Variants in FBXO16 observed in about 807,000 individuals in gnomAD.
The protein encoded by FBXO16 is F-box protein 16, also known as F-box only protein 16.
Under a neutral mutation model 41.0 loss-of-function variants are expected in FBXO16, and 31 were observed. The observed-to-expected ratio is 0.76, with a 90% confidence interval of 0.57 to 1.02. FBXO16 has a LOEUF of 1.02. Ranked by LOEUF, FBXO16 falls within the 50% of genes least tolerant of loss-of-function variation. FBXO16 has a pLI of 0.00. For synonymous variants in FBXO16, 133 were observed against 117.8 expected (o/e 1.13, Z -0.84); for missense variants, 361 against 346.2 (o/e 1.04, Z -0.34).
intron 4 of FBXO16, among the ~76,000 whole-genome samples, chr8:28,461,063 A>AG (rs1803126170): frequency 6.7e-6 from 1 of 148,696 alleles, no homozygotes; most frequent in Non-Finnish European, 1.5e-5. Flanking sequence ...ATAAGATGGT[A>AG]GGACAGTTCT....
chr8:28,435,171 A>ATTT (rs71222552), intron 7 of FBXO16, among the ~76,000 whole-genome samples: 50 of 140,972 alleles, frequency 3.5e-4, no homozygotes, highest in South Asian at 1.2e-3. Flanking sequence ...ATGAGGGCAG[A>ATTT]TTTTTTTTTT....
intron 1 of FBXO16, among the ~76,000 whole-genome samples, chr8:28,486,079 C>G (rs1355399463): frequency 6.8e-6 from 1 of 146,212 alleles, no homozygotes; most frequent in Admixed American, 6.9e-5. Context: ...GCACTCCAGC[C>G]TGGGTGACAG....
rs183975312 is a variant in FBXO16 at position 28,467,715 on chromosome 8, T to A, written c.136-3897A>T. Among the ~76,000 whole-genome samples, 285 of 152,344 alleles carry A rather than the reference T, an allele frequency of 1.9e-3. 1 individual carries two copies. The highest frequency in any genetic ancestry group is 2.3e-3 in the Non-Finnish European group (157 of 68,040). ...AAGAGAATGGACTCAGGTTGCAGAA[T>A]GAGTGATTTAACACGAATATAAAAG... On this transcript the variant is annotated intron_variant, in intron 3 of 8. Coordinates refer to ENST00000380254, the MANE Select transcript of FBXO16 (RefSeq NM_172366.4).
At chr8:28,466,379 A>G (rs1272259726) in intron 3 of FBXO16, among the ~76,000 whole-genome samples, 1 of 152,162 alleles carries the variant, frequency 6.6e-6, no homozygotes. Flanking sequence ...AGGACCCTAA[A>G]ATGAAAAAAC....
rs1048215827 is a variant in FBXO16, at chr8:28,434,123, A to G, written c.844-4720T>C. Among the ~76,000 whole-genome samples, 8 of 151,984 alleles carry G rather than the reference A, an allele frequency of 5.3e-5. No homozygotes were observed. In the East Asian group the frequency reaches 1.5e-3, roughly 29 times the overall value. ...TTCCAGGCACCTGCCACCACACCCA[A>G]CTAATTTTTGTATTTTTGGTAGAGA... is the stretch of plus-strand genomic sequence containing the variant. On this transcript the variant is annotated intron_variant, in intron 7 of 8. Transcript: ENST00000380254.
At chr8:28,437,856 G>A (rs575593228) in intron 7 of FBXO16, among the ~76,000 whole-genome samples, 107 of 152,290 alleles carry the variant, frequency 7.0e-4, no homozygotes, top group African/African-American at 2.4e-3. Flanking sequence ...ATGGGCAACA[G>A]AGCGAGACTC....
intron 3 of FBXO16, among the ~76,000 whole-genome samples, chr8:28,472,887 TATCAGG>T (rs1280867175): frequency 6.6e-6 from 1 of 152,238 alleles, no homozygotes; most frequent in Non-Finnish European, 1.5e-5. Context: ...TTGCTGTTCC[TATCAGG>T]ATCACTTAAC....
intron 4 of FBXO16, among the ~76,000 whole-genome samples, chr8:28,461,602 TAAAG>T (rs1803135782): frequency 6.6e-6 from 1 of 151,674 alleles, no homozygotes; most frequent in Non-Finnish European, 1.5e-5. Context: ...TGAAAAAAAA[TAAAG>T]AAATTAGCCC....
Position 28,454,466 on chromosome 8 carries a change from A to C in FBXO16, c.508-1990T>G, listed in dbSNP as rs921202626. ...AATTCTGGCCGGGCGCGGTGGCTGA[A>C]GCCTGTAATCCCAGCACTTTGGGAG... On this transcript the variant is annotated intron_variant, in intron 5 of 8. Coordinates refer to ENST00000380254, the MANE Select transcript of FBXO16 (RefSeq NM_172366.4). 5.3e-5 allele frequency among the ~76,000 whole-genome samples: 8 copies of C among 151,104 alleles called. No individual in the cohort carries two copies. In the East Asian group the frequency reaches 7.8e-4, roughly 15 times the overall value.
chr8:28,473,385 C>A (rs961313441), intron 3 of FBXO16, among the ~76,000 whole-genome samples: 12 of 152,086 alleles, frequency 7.9e-5, no homozygotes, highest in Admixed American at 6.6e-5. Context: ...AAATCTCAAC[C>A]CCCCAGTGTG....
At chr8:28,453,044 G>A (rs1802982155) in intron 5 of FBXO16, among the ~76,000 whole-genome samples, 1 of 152,082 alleles carries the variant, frequency 6.6e-6, no homozygotes, top group Non-Finnish European at 1.5e-5. Context: ...CACCACTCCA[G>A]GAGTACTTGC....
At position 28,473,788 on chromosome 8, in the gene FBXO16, G is replaced by A. The variant is rs1803374320; in HGVS notation, c.119C>T (p.Ala40Val). 8.1e-6 allele frequency: 13 copies of A among 1,603,748 alleles called. No homozygotes were observed. The East Asian group carries it at 2.7e-4, about 33-fold the overall frequency. The change falls in exon 3 of 9, where the codon GCC becomes GTC. Residue 40 changes from alanine to valine, a missense_variant. Coordinates refer to ENST00000380254, the MANE Select transcript of FBXO16 (RefSeq NM_172366.4). ...LNDRVFEERR[A>V]LLGKWFDKWT... is the part of the protein sequence containing the mutation. ...AATGTTTACCCATTTGCCAAGCAGGGCTCTTCTTTCTTCAAATACCTACAG... is the reference window on the plus strand; with the variant it reads ...AATGTTTACCCATTTGCCAAGCAGGACTCTTCTTTCTTCAAATACCTACAG...
chr8:28,479,057 G>A (rs150135365), intron 2 of FBXO16, among the ~76,000 whole-genome samples: 1,552 of 152,166 alleles, frequency 0.01, 7 homozygotes, highest in Non-Finnish European at 0.017. Context: ...CCTCTGCCAC[G>A]ATGGAAAGCT....
chr8:28,479,898 T>C (rs1046454780), intron 2 of FBXO16, among the ~76,000 whole-genome samples: 1 of 151,656 alleles, frequency 6.6e-6, no homozygotes, highest in South Asian at 2.1e-4. Flanking sequence ...TATTTTATTT[T>C]ACTTTTTTTT....
chr8:28,457,057 C>T, intron 4 of FBXO16, 127 bp from the exon 5 acceptor site: 2 of 953,934 alleles, frequency 2.1e-6, no homozygotes, highest in Non-Finnish European at 3.0e-6. Flanking sequence ...TGCCTCCAAA[C>T]CATAGCTTAA....
rs373120903 is a variant in FBXO16, at chr8:28,429,343, A to C, written c.869+35T>G. ...ATGCACACGATCTCTCTAAAAAGGC[A>C]AATGTCACAGGTTGATATCACAACC... On this transcript the variant is annotated intron_variant, in intron 8 of 8. Transcript: ENST00000380254. 2.6e-5 allele frequency: 42 copies of C among 1,612,468 alleles called. No homozygotes were observed. The South Asian group carries it at 4.5e-4, about 17-fold the overall frequency.
rs960362437 is a variant in FBXO16 at position 28,447,428 on chromosome 8, C to A, written c.741-155G>T. 3 of 609,874 alleles carry A rather than the reference C, an allele frequency of 4.9e-6. No homozygotes were observed. The South Asian group carries it at 5.9e-5, about 12-fold the overall frequency. The allele number at this position is 609,874 out of a possible 1,614,324, so 37.8% of individuals were successfully genotyped here. On this transcript the variant is annotated intron_variant, in intron 6 of 8. Transcript: ENST00000380254. ...AAGCCAAATGTCTATCAATAGAGAA[C>A]TGGTTGCATCAACTCCTGCATCTCC...
chr8:28,456,729 A>G (rs1420012636), intron 5 of FBXO16, 37 bp downstream of exon 5: 2 of 1,606,360 alleles, frequency 1.2e-6, no homozygotes, highest in South Asian at 1.1e-5. Flanking sequence ...CAAAGAGCCA[A>G]TGTTTGCAAG....
chr8:28,461,851 T>C (rs535988975), intron 4 of FBXO16, among the ~76,000 whole-genome samples: 2 of 152,250 alleles, frequency 1.3e-5, no homozygotes, highest in South Asian at 4.1e-4. Context: ...TTGAGGACTT[T>C]AATAGTTTCC....
Sources: allele counts gnomAD v4.1 joint callset (sites outside exome capture counted in the v4.1 genomes callset), GRCh38; gene constraint gnomAD v4.1.1; transcripts MANE v1.5; gene names NCBI Gene and HGNC (gene_info 2026-07-23, HGNC 2026-07-21).